Variants in FRMD4A observed in about 807,000 individuals in gnomAD.
FRMD4A encodes the protein FERM domain containing 4A.
In FRMD4A, 29 loss-of-function variants were observed where a neutral mutation model predicts 129.1. The ratio of observed to expected loss-of-function variants is 0.22; its 90% CI spans 0.17 to 0.31. The LOEUF is 0.31. Among genes scored for constraint, FRMD4A ranks in the 10% least tolerant of loss-of-function variants. The probability of loss-of-function intolerance (pLI) is 1.00; values close to 1 mark genes in which losing one functional copy is unlikely to be tolerated. For missense variants in FRMD4A, 1,272 were observed against 1,375.8 expected, an observed-to-expected ratio of 0.92 and a Z score of 1.19; for synonymous variants, 634 against 571.6, an observed-to-expected ratio of 1.11 and a Z score of -1.56.
chr10:13,702,682 A>G (rs1471719347), intron 13 of FRMD4A, among the ~76,000 whole-genome samples: 1 of 152,074 alleles, frequency 6.6e-6, no homozygotes, highest in African/African-American at 2.4e-5. Context: ...TTTGGAAGAA[A>G]CCTGGGGGTA....
chr10:13,842,941 C>CA (rs1360581305), intron 3 of FRMD4A, among the ~76,000 whole-genome samples: 1 of 152,128 alleles, frequency 6.6e-6, no homozygotes, highest in African/African-American at 2.4e-5. Context: ...TAATATTTTT[C>CA]ATATACTGAC....
intron 2 of FRMD4A, among the ~76,000 whole-genome samples, chr10:14,188,638 G>C (rs747735258): frequency 6.6e-6 from 1 of 152,130 alleles, no homozygotes; most frequent in African/African-American, 2.4e-5. Flanking sequence ...TCCTTTCCTT[G>C]GCTGCGCACA....
chr10:13,904,821 T>C (rs374702880), intron 2 of FRMD4A, among the ~76,000 whole-genome samples: 12 of 151,924 alleles, frequency 7.9e-5, no homozygotes, highest in African/African-American at 2.7e-4. Flanking sequence ...GGCGAAACCC[T>C]GTCTCTACTA....
chr10:14,102,510 G>T (rs1308056287), intron 2 of FRMD4A, among the ~76,000 whole-genome samples: 1 of 152,146 alleles, frequency 6.6e-6, no homozygotes. Context: ...GCTCTTCATT[G>T]CACAGGTATG....
At chr10:13,803,888 T>C (rs1184944344) in intron 4 of FRMD4A, among the ~76,000 whole-genome samples, 1 of 152,212 alleles carries the variant, frequency 6.6e-6, no homozygotes, top group African/African-American at 2.4e-5. Context: ...AGTCTCCATA[T>C]TAAGAATTCA....
chr10:14,320,155 A>G (rs1846919228), intron 2 of FRMD4A, among the ~76,000 whole-genome samples: 1 of 151,964 alleles, frequency 6.6e-6, no homozygotes, highest in African/African-American at 2.4e-5. Flanking sequence ...TCCCCAGCAC[A>G]CCCTGCCTTC....
At position 13,657,203 on chromosome 10, in the gene FRMD4A, C is replaced by T. The variant is rs1233025047; in HGVS notation, c.2386G>A (p.Ala796Thr). 4.6e-6 allele frequency: 7 copies of T among 1,537,646 alleles called. No individual in the cohort carries two copies. Among genetic ancestry groups the T allele is most frequent in the Non-Finnish European group, 5.2e-6 (6 of 1,148,532 alleles). Residue 796 changes from alanine to threonine, a missense_variant, in exon 22 of 25, where the codon GCC becomes ACC. Transcript: ENST00000357447. ...RQRAAGALGSASSGSMPNLAA... is the reference protein window; with the variant it reads ...RQRAAGALGSTSSGSMPNLAA... ...AGGTTGGGCATGCTGCCCGAGCTGG[C>T]TGAGCCCAGTGCGCCCGCCGCCCGC...
rs1554876111 is a variant in FRMD4A, at chr10:13,740,829, T to TTTTTG, written c.549-253_549-252insCAAAA. Among the ~76,000 whole-genome samples, 5 of 143,390 alleles carry TTTTTG rather than the reference T, an allele frequency of 3.5e-5. No individual in the cohort carries two copies. In the South Asian group the frequency reaches 7.5e-4, roughly 21 times the overall value. The allele number at this position is 143,390 out of a possible 152,430, so 94.1% of individuals were successfully genotyped here. On this transcript the variant is annotated intron_variant, in intron 9 of 24. Transcript: ENST00000357447. ...CATTCTCTTTGTCTTGGATGTTTGT[T>TTTTTG]TTTTTTTTTTTTTTTGAGACGGAGT...
At chr10:14,271,056 A>C (rs1218346) in intron 2 of FRMD4A, among the ~76,000 whole-genome samples, 73,337 of 151,892 alleles carry the variant, frequency 0.48, 18,966 homozygotes, top group African/African-American at 0.68. Flanking sequence ...AGCAAGTGTA[A>C]CACATGGCGG....
intron 3 of FRMD4A, among the ~76,000 whole-genome samples, chr10:13,834,655 G>A (rs1307553176): frequency 3.3e-5 from 5 of 152,166 alleles, no homozygotes; most frequent in African/African-American, 9.7e-5. Context: ...GAAATTTCTG[G>A]TCCAGAGAGT....
At chr10:13,983,078 G>A (rs940503350) in intron 2 of FRMD4A, among the ~76,000 whole-genome samples, 2 of 151,874 alleles carry the variant, frequency 1.3e-5, no homozygotes, top group African/African-American at 4.8e-5. Context: ...CTCCTGCCTC[G>A]GCCTCCCAAC....
At position 13,663,495 on chromosome 10, in the gene FRMD4A, TG is replaced by T; in HGVS notation, c.1617del (p.Ser540ValfsTer77). 1 of 1,548,966 alleles carries T rather than the reference TG, an allele frequency of 6.5e-7. No individual in the cohort carries two copies. Among genetic ancestry groups the T allele is most frequent in the Non-Finnish European group, 8.9e-7 (1 of 1,120,364 alleles). On this transcript the variant is annotated frameshift_variant, in exon 19 of 25. Coordinates refer to ENST00000357447, the MANE Select transcript of FRMD4A (RefSeq NM_018027.5). LOFTEE classifies it high-confidence loss of function. ...ASLIIDDGNIASEDSSLSDAL... is the reference protein window; with the variant it reads ...ASLIIDDGNIXSEDSSLSDAL... ...GCATCTGAGAGGGAGCTGTCTTCAC[TG>T]GCAATGTTTCCATCTGAGAAGACAA...
intron 12 of FRMD4A, chr10:13,707,791 C>T: frequency 4.1e-6 from 4 of 985,414 alleles, no homozygotes; most frequent in South Asian, 4.7e-5. Context: ...CCCGGAAGGA[C>T]GCTGCGGCCA....
chr10:14,028,607 G>A (rs559346755), intron 2 of FRMD4A, among the ~76,000 whole-genome samples: 2 of 152,124 alleles, frequency 1.3e-5, no homozygotes, highest in African/African-American at 2.4e-5. Flanking sequence ...ATAAGGAAAG[G>A]GACTAACAAA....
intron 12 of FRMD4A, among the ~76,000 whole-genome samples, chr10:13,728,076 AAG>A (rs2090040473): frequency 6.6e-6 from 1 of 152,228 alleles, no homozygotes; most frequent in Non-Finnish European, 1.5e-5. Flanking sequence ...TCCAGGCAGG[AAG>A]AGTCACACAT....
intron 2 of FRMD4A, among the ~76,000 whole-genome samples, chr10:14,233,653 C>T (rs1286959720): frequency 6.6e-6 from 1 of 152,136 alleles, no homozygotes; most frequent in African/African-American, 2.4e-5. Flanking sequence ...TGGAAATGCA[C>T]AAGAATCAGA....
At chr10:14,329,999 G>C (rs1011839369) in intron 2 of FRMD4A, 59 bp downstream of exon 2, 2 of 1,485,010 alleles carry the variant, frequency 1.3e-6, no homozygotes, top group African/African-American at 2.8e-5. Flanking sequence ...AGCAGCCCAC[G>C]GTGCAGGGGA....
chr10:14,286,802 G>A (rs1349855918), intron 2 of FRMD4A, among the ~76,000 whole-genome samples: 1 of 151,982 alleles, frequency 6.6e-6, no homozygotes. Flanking sequence ...TGGTTTGAAG[G>A]CAGGGATGAC....
rs1011594413 is a variant in FRMD4A, at chr10:13,693,738, A to G, written c.1117+160T>C. 16 of 802,614 alleles carry G rather than the reference A, an allele frequency of 2.0e-5. No individual in the cohort carries two copies. In the East Asian group the frequency reaches 3.0e-4, roughly 15 times the overall value. The allele number at this position is 802,614 out of a possible 1,614,324, so 49.7% of individuals were successfully genotyped here. ...TTTGATTCCTGGGAGCAGTTTTCTC[A>G]GATTCGCATTTGGATCCCAACCTTG... On this transcript the variant is annotated intron_variant, in intron 15 of 24. Coordinates refer to ENST00000357447, the MANE Select transcript of FRMD4A (RefSeq NM_018027.5).
Sources: allele counts gnomAD v4.1 joint callset (sites outside exome capture counted in the v4.1 genomes callset), GRCh38; gene constraint gnomAD v4.1.1; transcripts MANE v1.5; gene names NCBI Gene and HGNC (gene_info 2026-07-23, HGNC 2026-07-21).